Variants in COPS3 observed in about 807,000 individuals in gnomAD.
COPS3 encodes the protein COP9 signalosome complex subunit 3.
A neutral mutation model predicts 58.2 loss-of-function variants in COPS3; 10 were observed. The observed-to-expected ratio is 0.17, with a 90% CI of 0.11 to 0.29. The LOEUF (loss-of-function observed/expected upper bound fraction) is 0.29. COPS3 is among the 10% of genes least tolerant of loss of function. The pLI is 1.00. For missense variants in COPS3, 333 were observed against 510.1 expected, an observed-to-expected ratio of 0.65 and a Z score of 3.34; for synonymous variants, 187 against 181.7, an observed-to-expected ratio of 1.03 and a Z score of -0.24.
Position 17,276,047 on chromosome 17 carries a change from A to T in COPS3, c.173T>A (p.Val58Asp). Residue 58 changes from valine to aspartate, a missense_variant, in exon 2 of 12, where the codon GTC (valine) becomes GAC (aspartate). Physicochemically the swap from Val to Asp is radical, Grantham distance 152 (BLOSUM62 -3). Coordinates refer to ENST00000268717, the MANE Select transcript of COPS3 (RefSeq NM_003653.4). ...AGATGCTCCTTACAAAACAGCAAGG[A>T]CGCCCAAGGAGTGTTCTTGTACATC... ...ALDVQEHSLG[V>D]LAVLFVKFSM... 6.2e-7 allele frequency: 1 copy of T among 1,613,250 alleles called. No homozygotes were observed. Among genetic ancestry groups the T allele is most frequent in the Non-Finnish European group, 8.5e-7 (1 of 1,179,412 alleles).
chr17:17,273,958 AG>A (rs1242420509), intron 2 of COPS3, among the ~76,000 whole-genome samples: 2 of 152,224 alleles, frequency 1.3e-5, no homozygotes, highest in Admixed American at 1.3e-4. Flanking sequence ...TCGAGGCTAC[AG>A]TGAGCTATGC....
chr17:17,276,115 A>G lies in COPS3; in HGVS notation c.105T>C (p.Leu35=), dbSNP rs772618122. ...CELINKSGEL[L]AKNLSHLDTV... ...TGTCCAGATGGGATAAGTTCTTCGC[A>G]AGGAGTTCCCCACTCTTGTTGATCA... The change falls in exon 2 of 12, where the codon CTT becomes CTC. Residue 35 remains leucine (L), a synonymous_variant. Transcript: ENST00000268717. 4.2e-5 allele frequency: 67 copies of G among 1,613,996 alleles called. No homozygotes were observed. The highest frequency in any genetic ancestry group is 5.3e-5 in the African/African-American group (4 of 74,914).
At chr17:17,256,184 A>T (rs2145202464) in intron 8 of COPS3, among the ~76,000 whole-genome samples, 1 of 152,092 alleles carries the variant, frequency 6.6e-6, no homozygotes, top group South Asian at 2.1e-4. Flanking sequence ...GTCACAAAAA[A>T]AAATAAAAAA....
Position 17,265,000 on chromosome 17 carries a change from T to A in COPS3, c.442-19A>T. Reference sequence around the variant, plus strand: ...AACAAAGCTGTGAACAAATTGATATTAAATCATCACTTTAATTTTACTTAG... The same window carrying A: ...AACAAAGCTGTGAACAAATTGATATAAAATCATCACTTTAATTTTACTTAG... On this transcript the variant is annotated intron_variant, in intron 5 of 11. Coordinates refer to ENST00000268717, the MANE Select transcript of COPS3 (RefSeq NM_003653.4). 6.3e-7 allele frequency: 1 copy of A among 1,598,246 alleles called. No homozygotes were observed. Among genetic ancestry groups the A allele is most frequent in the Non-Finnish European group, 8.5e-7 (1 of 1,175,748 alleles).
chr17:17,280,481 A>C, intron 1 of COPS3: 2 of 1,039,252 alleles, frequency 1.9e-6, no homozygotes, highest in Non-Finnish European at 2.5e-6. Flanking sequence ...AATCGCTTGA[A>C]GCCGGGAGGC....
chr17:17,260,530 G>A (rs2145212776), intron 7 of COPS3, 56 bp from the exon 8 acceptor site: 2 of 1,566,146 alleles, frequency 1.3e-6, no homozygotes, highest in East Asian at 4.5e-5. Flanking sequence ...GAGGCCAGGT[G>A]TGGGGACTCA....
chr17:17,279,588 A>G (rs544978559), intron 1 of COPS3, among the ~76,000 whole-genome samples: 1 of 151,972 alleles, frequency 6.6e-6, no homozygotes, highest in Admixed American at 6.5e-5. Flanking sequence ...TACACCAGTG[A>G]GGTAAAAGCA....
chr17:17,248,063 G>C (rs191978561), intron 10 of COPS3, among the ~76,000 whole-genome samples: 1 of 152,114 alleles, frequency 6.6e-6, no homozygotes, highest in African/African-American at 2.4e-5. Flanking sequence ...AAAGGGGACC[G>C]TCAGGGAGGG....
Position 17,262,123 on chromosome 17 carries a change from T to C in COPS3, c.622-17A>G. On this transcript the variant is annotated splice_polypyrimidine_tract_variant and intron_variant, in intron 6 of 11. Coordinates refer to ENST00000268717, the MANE Select transcript of COPS3 (RefSeq NM_003653.4). Reference sequence around the variant, plus strand: ...AGTTATAGCCTAGGCAAGAGAAGAATGCTTGCTGTAAAGAGAACATACCAC... The same window carrying C: ...AGTTATAGCCTAGGCAAGAGAAGAACGCTTGCTGTAAAGAGAACATACCAC... 1.2e-6 allele frequency: 2 copies of C among 1,601,410 alleles called. No individual in the cohort carries two copies. The highest frequency in any genetic ancestry group is 1.7e-6 in the Non-Finnish European group (2 of 1,176,398).
At chr17:17,259,573 A>G (rs768612948) in intron 8 of COPS3, among the ~76,000 whole-genome samples, 7 of 152,168 alleles carry the variant, frequency 4.6e-5, no homozygotes, top group Non-Finnish European at 5.9e-5. Context: ...CTAAATGGTA[A>G]TGTCCGAGTA....
At chr17:17,254,168 G>A (rs2047910149) in intron 9 of COPS3, among the ~76,000 whole-genome samples, 1 of 151,340 alleles carries the variant, frequency 6.6e-6, no homozygotes, top group Non-Finnish European at 1.5e-5. Context: ...GTCAGGCATG[G>A]TGACACATAC....
intron 6 of COPS3, 25 bp downstream of exon 6, chr17:17,264,777 C>T: frequency 1.3e-6 from 2 of 1,587,298 alleles, no homozygotes; most frequent in Middle Eastern, 1.7e-4. Context: ...TCAGAACAAC[C>T]TCAGCTAATT....
rs1423764183 is a variant in COPS3, at chr17:17,246,665, A to G, written c.*433T>C. 1.3e-5 allele frequency among the ~76,000 whole-genome samples: 2 copies of G among 152,086 alleles called. No homozygotes were observed. The highest frequency in any genetic ancestry group is 2.9e-5 in the Non-Finnish European group (2 of 68,016). Reference sequence around the variant, plus strand: ...TTATTTTCTGAAGACAATGATTACAACTTTTAGATTTTTTTGTAGATACAA... The same window carrying G: ...TTATTTTCTGAAGACAATGATTACAGCTTTTAGATTTTTTTGTAGATACAA... On this transcript the variant is annotated 3_prime_UTR_variant, in exon 12 of 12. Coordinates refer to ENST00000268717, the MANE Select transcript of COPS3 (RefSeq NM_003653.4).
intron 9 of COPS3, 49 bp from the exon 10 acceptor site, chr17:17,249,088 G>A (rs2047784566): frequency 1.0e-6 from 1 of 988,204 alleles, no homozygotes; most frequent in Non-Finnish European, 1.6e-6. Context: ...AGACCTGAAT[G>A]CTATATGAAT....
rs111919358 is a variant in COPS3 at position 17,256,135 on chromosome 17, C to T, written c.937-1190G>A. Among the ~76,000 whole-genome samples the T allele has an allele frequency of 4.9e-3, 730 of 148,422 alleles. 6 individuals are homozygous for T. The highest frequency in any genetic ancestry group is 0.017 in the African/African-American group (688 of 40,406). On this transcript the variant is annotated intron_variant, in intron 8 of 11. Coordinates refer to ENST00000268717, the MANE Select transcript of COPS3 (RefSeq NM_003653.4). ...TGGAGCTTGTTGTGAGCCAAGATCA[C>T]GCCACTGCACTCCAGCCTGGGCAAC...
At chr17:17,261,922 T>G (rs1330904221) in intron 7 of COPS3, 44 bp downstream of exon 7, 5 of 1,518,428 alleles carry the variant, frequency 3.3e-6, no homozygotes, top group Non-Finnish European at 3.6e-6. Context: ...CTTTATATAC[T>G]CAACATGCTC....
chr17:17,273,217 T>A (rs929151272), intron 2 of COPS3, among the ~76,000 whole-genome samples: 13 of 152,216 alleles, frequency 8.5e-5, no homozygotes, highest in Non-Finnish European at 1.5e-4. Context: ...AGAAGCTTTG[T>A]CAGAATGGAA....
At chr17:17,280,823 C>A in intron 1 of COPS3, 1 of 1,249,078 alleles carries the variant, frequency 8.0e-7, no homozygotes, top group Non-Finnish European at 1.0e-6. Flanking sequence ...CGAGATGGCT[C>A]CTGGCGGAAG....
At chr17:17,280,040 G>A (rs2048540963) in intron 1 of COPS3, among the ~76,000 whole-genome samples, 1 of 152,106 alleles carries the variant, frequency 6.6e-6, no homozygotes, top group African/African-American at 2.4e-5. Context: ...CGAGGTGGGC[G>A]GATCACTTCA....
Sources: allele counts gnomAD v4.1 joint callset (sites outside exome capture counted in the v4.1 genomes callset), GRCh38; gene constraint gnomAD v4.1.1; transcripts MANE v1.5; gene names NCBI Gene and HGNC (gene_info 2026-07-23, HGNC 2026-07-21).